The following PARD3 variants were observed in gnomAD, a reference collection of about 807,000 sequenced individuals.
The protein encoded by PARD3 is partitioning defective 3 homolog.
In PARD3, 75 loss-of-function variants were observed where a neutral mutation model predicts 155.4. The ratio of observed to expected loss-of-function variants is 0.48; its 90% CI spans 0.40 to 0.58. The LOEUF (loss-of-function observed/expected upper bound fraction) is 0.58, where lower values mean the gene tolerates loss of function less well. Among genes scored for constraint, PARD3 ranks in the 20% least tolerant of loss-of-function variants. PARD3 has a pLI of 0.00. For missense variants in PARD3, 1,642 were observed against 1,721.7 expected (o/e 0.95, Z 0.82); for synonymous variants, 576 against 610.5 (o/e 0.94, Z 0.83).
chr10:34,748,803 G>A (rs968689001), intron 1 of PARD3, among the ~76,000 whole-genome samples: 1 of 152,132 alleles, frequency 6.6e-6, no homozygotes, highest in Non-Finnish European at 1.5e-5. Context: ...CAGTAGAGGT[G>A]GGTGATGGTG....
chr10:34,590,804 T>C (rs2088609611), intron 2 of PARD3, among the ~76,000 whole-genome samples: 1 of 152,138 alleles, frequency 6.6e-6, no homozygotes, highest in Admixed American at 6.5e-5. Flanking sequence ...GAAATCCTGA[T>C]TCTTTAAAAT....
intron 14 of PARD3, among the ~76,000 whole-genome samples, chr10:34,355,940 A>AC (rs1270839833): frequency 4.3e-5 from 5 of 117,040 alleles, no homozygotes; most frequent in Admixed American, 7.9e-5. Flanking sequence ...AAAAAAAAAA[A>AC]AAAAAACAAA....
chr10:34,125,666 A>C (rs953403127), intron 23 of PARD3, among the ~76,000 whole-genome samples: 1 of 152,216 alleles, frequency 6.6e-6, no homozygotes, highest in Non-Finnish European at 1.5e-5. Context: ...TTAAAGTCTG[A>C]AACAGGAAAA....
chr10:34,119,832 CTTTGAAAAT>C, intron 23 of PARD3, 92 bp from the exon 24 acceptor site: 2 of 1,197,962 alleles, frequency 1.7e-6, no homozygotes, highest in Non-Finnish European at 2.2e-6. Flanking sequence ...TATGAATTGA[CTTTGAAAAT>C]TTTGAAAATT....
intron 1 of PARD3, among the ~76,000 whole-genome samples, chr10:34,784,140 G>A (rs1391129555): frequency 6.6e-6 from 1 of 152,120 alleles, no homozygotes; most frequent in Non-Finnish European, 1.5e-5. Context: ...GAGCTGGGGT[G>A]GTGGAGGCTG....
chr10:34,372,830 T>G (rs544216450), intron 11 of PARD3, among the ~76,000 whole-genome samples: 1 of 152,272 alleles, frequency 6.6e-6, no homozygotes, highest in South Asian at 2.1e-4. Context: ...ACTGCTTTCC[T>G]AATCATGGCA....
intron 3 of PARD3, among the ~76,000 whole-genome samples, chr10:34,479,626 T>A (rs2078945438): frequency 6.6e-6 from 1 of 152,310 alleles, no homozygotes; most frequent in East Asian, 1.9e-4. Flanking sequence ...CCACTGCCGG[T>A]GCCCTGTAGC....
At chr10:34,780,379 T>C (rs951708414) in intron 1 of PARD3, among the ~76,000 whole-genome samples, 1 of 152,208 alleles carries the variant, frequency 6.6e-6, no homozygotes, top group Non-Finnish European at 1.5e-5. Context: ...ATGTTGAATA[T>C]AAAATAACAA....
chr10:34,578,867 A>G (rs909138748), intron 2 of PARD3, among the ~76,000 whole-genome samples: 1 of 152,212 alleles, frequency 6.6e-6, no homozygotes, highest in Non-Finnish European at 1.5e-5. Flanking sequence ...TTCTTCTTTT[A>G]TAATTAGTTC....
At chr10:34,344,288 T>C in intron 15 of PARD3, 2 of 980,730 alleles carry the variant, frequency 2.0e-6, no homozygotes, top group Non-Finnish European at 2.4e-6. Context: ...TTGTTTTTTT[T>C]TTTTTTTTTT....
chr10:34,690,910 T>C (rs995939358), intron 2 of PARD3, among the ~76,000 whole-genome samples: 6 of 152,144 alleles, frequency 3.9e-5, no homozygotes, highest in Admixed American at 1.3e-4. Flanking sequence ...AGACTGTACA[T>C]GAATCCATAC....
chr10:34,183,443 C>A (rs1950352457), intron 22 of PARD3, among the ~76,000 whole-genome samples: 1 of 152,154 alleles, frequency 6.6e-6, no homozygotes, highest in Non-Finnish European at 1.5e-5. Flanking sequence ...CAAACTGTTT[C>A]TTTTCTAACA....
At chr10:34,323,568 T>C (rs551177130) in intron 19 of PARD3, among the ~76,000 whole-genome samples, 1 of 152,346 alleles carries the variant, frequency 6.6e-6, no homozygotes, top group East Asian at 1.9e-4. Flanking sequence ...TAGCTCTATT[T>C]CATTTTTAAA....
chr10:34,614,792 A>C (rs1205755153), intron 2 of PARD3, among the ~76,000 whole-genome samples: 1 of 152,204 alleles, frequency 6.6e-6, no homozygotes, highest in Non-Finnish European at 1.5e-5. Context: ...AAAAATCCTA[A>C]AATTTATATG....
intron 2 of PARD3, among the ~76,000 whole-genome samples, chr10:34,524,710 CTGCT>C (rs2082362303): frequency 6.6e-6 from 1 of 152,190 alleles, no homozygotes; most frequent in Non-Finnish European, 1.5e-5. Flanking sequence ...CATAACACTA[CTGCT>C]TAAGTATTAA....
intron 2 of PARD3, among the ~76,000 whole-genome samples, chr10:34,691,408 T>C (rs1590670588): frequency 1.3e-5 from 2 of 152,020 alleles, no homozygotes; most frequent in Non-Finnish European, 2.9e-5. Context: ...ATCTCTACAA[T>C]GAGAATTTAA....
At chr10:34,179,628 C>T (rs1950184272) in intron 22 of PARD3, among the ~76,000 whole-genome samples, 1 of 152,216 alleles carries the variant, frequency 6.6e-6, no homozygotes. Context: ...CTTTGCACAA[C>T]TCATACCAAA....
At chr10:34,553,177 G>A (rs943527335) in intron 2 of PARD3, among the ~76,000 whole-genome samples, 3 of 152,190 alleles carry the variant, frequency 2.0e-5, no homozygotes, top group Non-Finnish European at 4.4e-5. Flanking sequence ...TCAGCAGCCA[G>A]GTTCAGAGTG....
intron 1 of PARD3, among the ~76,000 whole-genome samples, chr10:34,812,704 GT>G (rs1588876828): frequency 6.6e-6 from 1 of 152,070 alleles, no homozygotes; most frequent in East Asian, 1.9e-4. Context: ...AGAACTCTAA[GT>G]TGTACTTAAA....
Sources: gnomAD v4.1 joint callset for allele counts (sites outside exome capture counted in the v4.1 genomes callset) on GRCh38, gnomAD v4.1.1 for gene constraint, MANE v1.5 for transcripts, NCBI Gene and HGNC (gene_info 2026-07-23, HGNC 2026-07-21) for gene names.